PKIB: variants seen among roughly 807,000 people sequenced by gnomAD.
The protein encoded by PKIB is PKI-beta.
In PKIB, 2 loss-of-function variants were observed where a neutral mutation model predicts 4.5. The observed-to-expected ratio is 0.44, with a 90% CI of 0.18 to 1.39. The LOEUF is 1.39. Ranked by LOEUF, PKIB falls within the 40% of genes most tolerant of loss-of-function variation. PKIB has a pLI of 0.27. For missense variants in PKIB, 94 were observed against 92.6 expected, an observed-to-expected ratio of 1.02 and a Z score of -0.06; for synonymous variants, 38 against 36.0, an observed-to-expected ratio of 1.06 and a Z score of -0.20.
chr6:122,623,710 C>A (rs1775325564), intron 1 of PKIB, among the ~76,000 whole-genome samples: 1 of 152,120 alleles, frequency 6.6e-6, no homozygotes. Flanking sequence ...AGACACTTTA[C>A]ACGCATACAT....
rs531688215 is a variant in PKIB, at chr6:122,701,379, T to C, written c.-8-16408T>C. 4.3e-5 allele frequency: 60 copies of C among 1,399,784 alleles called. No homozygotes were observed. In the African/African-American group the frequency reaches 6.8e-4, roughly 16 times the overall value. The allele number at this position is 1,399,784 out of a possible 1,614,324, so 86.7% of individuals were successfully genotyped here. A position where few individuals can be genotyped will look rare whatever the true frequency, so the allele number is the denominator to read the frequency against. ...GTGATCAGAGAGCTCTAGCCTGAGC[T>C]CTGGTAAGCAGGAATGAAGTACTGA... On this transcript the variant is annotated intron_variant, in intron 3 of 4. Coordinates refer to ENST00000368452, the MANE Select transcript of PKIB (RefSeq NM_181795.3).
At chr6:122,518,786 A>G (rs1273941274) in intron 2 of PKIB, among the ~76,000 whole-genome samples, 2 of 152,194 alleles carry the variant, frequency 1.3e-5, no homozygotes, top group African/African-American at 4.8e-5. Flanking sequence ...TAAGACAAAT[A>G]TATTTTATTT....
intron 2 of PKIB, among the ~76,000 whole-genome samples, chr6:122,667,670 G>A (rs1448356066): frequency 6.6e-6 from 1 of 152,184 alleles, no homozygotes; most frequent in Admixed American, 6.5e-5. Flanking sequence ...AAGTTTAATA[G>A]TTATGGAAAA....
At chr6:122,565,678 T>C (rs1339101379) in intron 2 of PKIB, among the ~76,000 whole-genome samples, 1 of 152,212 alleles carries the variant, frequency 6.6e-6, no homozygotes, top group Non-Finnish European at 1.5e-5. Flanking sequence ...TAAAAAACAC[T>C]AACTTCCCTG....
At chr6:122,537,465 A>G (rs1777443220) in intron 2 of PKIB, among the ~76,000 whole-genome samples, 1 of 152,064 alleles carries the variant, frequency 6.6e-6, no homozygotes, top group Non-Finnish European at 1.5e-5. Flanking sequence ...TTTGCTGAGA[A>G]TGGTGGTTTC....
intron 3 of PKIB, among the ~76,000 whole-genome samples, chr6:122,714,793 G>A (rs1342683890): frequency 2.0e-5 from 3 of 152,028 alleles, no homozygotes; most frequent in Admixed American, 6.6e-5. Context: ...GTTTACCTAC[G>A]TAACAAACTT....
chr6:122,696,507 C>T (rs1489474993), intron 3 of PKIB, among the ~76,000 whole-genome samples: 1 of 152,166 alleles, frequency 6.6e-6, no homozygotes, highest in East Asian at 1.9e-4. Context: ...CAAAAAGAAG[C>T]TCTCTTTGTA....
rs35007905 is a variant in PKIB at position 122,701,854 on chromosome 6, A to G, written c.-8-15933A>G. ...AGATCCACAGCAGTTTACTGGTCAT[A>G]CATACCACCAAAGGAGAAGAACATT... On this transcript the variant is annotated intron_variant, in intron 3 of 4. Transcript: ENST00000368452. Among the ~76,000 whole-genome samples, 630 of 152,292 alleles carry G rather than the reference A, an allele frequency of 4.1e-3. 1 individual carries two copies. Among genetic ancestry groups the G allele is most frequent in the Non-Finnish European group, 6.4e-3 (434 of 68,026 alleles).
At chr6:122,485,300 T>A (rs1017316795) in intron 2 of PKIB, among the ~76,000 whole-genome samples, 1 of 152,142 alleles carries the variant, frequency 6.6e-6, no homozygotes, top group Non-Finnish European at 1.5e-5. Context: ...TGAATTAATC[T>A]ATTACATGAG....
chr6:122,594,879 T>C (rs1178020161), intron 3 of PKIB, among the ~76,000 whole-genome samples: 1 of 152,180 alleles, frequency 6.6e-6, no homozygotes, highest in Non-Finnish European at 1.5e-5. Flanking sequence ...TATGGAGTAG[T>C]AGACTGATTT....
At chr6:122,509,683 G>A (rs368828063) in intron 2 of PKIB, among the ~76,000 whole-genome samples, 6 of 151,350 alleles carry the variant, frequency 4.0e-5, no homozygotes, top group Non-Finnish European at 8.9e-5. Flanking sequence ...TGCCCACCTC[G>A]GCCTCCCAAA....
intron 3 of PKIB, among the ~76,000 whole-genome samples, chr6:122,705,216 A>G (rs190179986): frequency 4.6e-5 from 7 of 152,290 alleles, no homozygotes; most frequent in Admixed American, 4.6e-4. Context: ...GTCCTCCAAG[A>G]TCATCATGGT....
chr6:122,651,752 C>G (rs747626558), intron 2 of PKIB, among the ~76,000 whole-genome samples: 5 of 152,144 alleles, frequency 3.3e-5, no homozygotes, highest in Non-Finnish European at 5.9e-5. Flanking sequence ...TGCTTTTGGG[C>G]AGACACAGAA....
chr6:122,630,967 G>T (rs1775675373), intron 1 of PKIB, among the ~76,000 whole-genome samples: 5 of 152,158 alleles, frequency 3.3e-5, no homozygotes, highest in Admixed American at 3.3e-4. Flanking sequence ...GGAGAGGAAA[G>T]CATGGATTAG....
At chr6:122,684,051 G>A (rs1342949359) in intron 3 of PKIB, among the ~76,000 whole-genome samples, 4 of 152,160 alleles carry the variant, frequency 2.6e-5, no homozygotes, top group East Asian at 1.9e-4. Context: ...GTATGACAAC[G>A]TGGATAAACT....
At chr6:122,610,120 AGGGAACT>A (rs1774684354), upstream of PKIB, 1 of 152,184 alleles carries the variant, frequency 6.6e-6, no homozygotes, top group Non-Finnish European at 1.5e-5. Flanking sequence ...TCATCGCCCA[AGGGAACT>A]GGGAGTGGCG....
At chr6:122,567,834 A>G (rs972808686) in intron 2 of PKIB, among the ~76,000 whole-genome samples, 9 of 152,198 alleles carry the variant, frequency 5.9e-5, no homozygotes, top group African/African-American at 1.4e-4. Context: ...CAGAATTACA[A>G]TAACCTCTAG....
At chr6:122,657,552 TGA>T (rs1776820689) in intron 2 of PKIB, among the ~76,000 whole-genome samples, 1 of 152,236 alleles carries the variant, frequency 6.6e-6, no homozygotes, top group Non-Finnish European at 1.5e-5. Flanking sequence ...AATTTCATAC[TGA>T]GGGGAATTTA....
At chr6:122,674,086 T>G (rs949386112) in intron 2 of PKIB, among the ~76,000 whole-genome samples, 3 of 152,002 alleles carry the variant, frequency 2.0e-5, no homozygotes, top group African/African-American at 7.3e-5. Flanking sequence ...TGCAGAGTTT[T>G]AGGATTGGTG....
Sources: allele counts gnomAD v4.1 joint callset (sites outside exome capture counted in the v4.1 genomes callset), GRCh38; gene constraint gnomAD v4.1.1; transcripts MANE v1.5; gene names NCBI Gene and HGNC (gene_info 2026-07-23, HGNC 2026-07-21).